The following NEK11 variants were observed in gnomAD, a reference collection of about 807,000 sequenced individuals.
NEK11 encodes NIMA related kinase 11.
In NEK11, 72 loss-of-function variants were observed where a neutral mutation model predicts 80.7. The observed-to-expected ratio is 0.89, with a 90% CI of 0.74 to 1.08. NEK11 has a LOEUF of 1.08. Ranked by LOEUF, NEK11 falls within the 50% of genes least tolerant of loss-of-function variation. The pLI, the probability that NEK11 is intolerant of heterozygous loss-of-function variation, is 0.00. For missense variants in NEK11, 764 were observed against 763.6 expected (o/e 1.00, Z -0.01); for synonymous variants, 251 against 260.7 (o/e 0.96, Z 0.36).
chr3:131,241,170 T>A (rs1015594607), intron 15 of NEK11, among the ~76,000 whole-genome samples: 1 of 152,052 alleles, frequency 6.6e-6, no homozygotes, highest in Non-Finnish European at 1.5e-5. Context: ...TGTTGGGAAG[T>A]GCAGGAGTGT....
chr3:131,210,439 T>G (rs550292484), intron 14 of NEK11, among the ~76,000 whole-genome samples: 2 of 152,318 alleles, frequency 1.3e-5, no homozygotes, highest in South Asian at 4.1e-4. Context: ...CTGAGAAGAA[T>G]GTATATTCTG....
At chr3:131,039,235 A>G (rs1272224659) in intron 3 of NEK11, among the ~76,000 whole-genome samples, 1 of 152,134 alleles carries the variant, frequency 6.6e-6, no homozygotes, top group Non-Finnish European at 1.5e-5. Flanking sequence ...ATAAAAAGTG[A>G]GCTGATTTTT....
chr3:131,110,812 C>A (rs1209425213), intron 5 of NEK11, among the ~76,000 whole-genome samples: 2 of 152,068 alleles, frequency 1.3e-5, no homozygotes, highest in Non-Finnish European at 2.9e-5. Context: ...AAAAAGTAAT[C>A]GGATTATTCT....
chr3:131,297,011 A>G (rs1581563037), intron 17 of NEK11, among the ~76,000 whole-genome samples: 1 of 152,202 alleles, frequency 6.6e-6, no homozygotes, highest in Non-Finnish European at 1.5e-5. Context: ...TTATGGCTGC[A>G]TAGTATTCCA....
At chr3:131,210,414 A>C (rs1352653354) in intron 14 of NEK11, among the ~76,000 whole-genome samples, 1 of 152,190 alleles carries the variant, frequency 6.6e-6, no homozygotes, top group African/African-American at 2.4e-5. Flanking sequence ...ATTTTGGAGT[A>C]AGTGCAACGT....
At chr3:131,265,749 C>T (rs1487288605) in intron 16 of NEK11, among the ~76,000 whole-genome samples, 3 of 152,098 alleles carry the variant, frequency 2.0e-5, no homozygotes, top group African/African-American at 7.2e-5. Context: ...AGGGAGGAAT[C>T]CCTCTTTTTC....
chr3:131,084,097 A>G (rs1299219193), intron 4 of NEK11, among the ~76,000 whole-genome samples: 1 of 152,138 alleles, frequency 6.6e-6, no homozygotes, highest in Non-Finnish European at 1.5e-5. Context: ...CCTTTCCCAT[A>G]AACAAAGCCT....
At position 131,170,948 on chromosome 3, in the gene NEK11, C is replaced by T. The variant is rs573855443; in HGVS notation, c.1399+61C>T. On this transcript the variant is annotated intron_variant, in intron 14 of 17. Coordinates refer to ENST00000383366, the MANE Select transcript of NEK11 (RefSeq NM_024800.5). ...CAGCTGCTGCACAGGTTGCTGTGGC[C>T]GACTTTGCAGTGGGTCTGTCTGGCC... The T allele has an allele frequency of 1.6e-4, 197 of 1,267,730 alleles. 1 individual carries two copies. The highest frequency in any genetic ancestry group is 1.4e-3 in the South Asian group (116 of 84,170). 78.5% of individuals were successfully genotyped at this position (1,267,730 alleles called of 1,614,324 possible). A position where few individuals can be genotyped will look rare whatever the true frequency, so the allele number is the denominator to read the frequency against.
chr3:131,198,821 A>G (rs983203712), intron 14 of NEK11, among the ~76,000 whole-genome samples: 6 of 152,242 alleles, frequency 3.9e-5, no homozygotes, highest in African/African-American at 1.4e-4. Flanking sequence ...TCAGGTGTCC[A>G]TCTTACTAAA....
chr3:131,049,190 T>C lies in NEK11; in HGVS notation c.170+19312T>C, dbSNP rs144116724. Among the ~76,000 whole-genome samples the C allele has an allele frequency of 7.9e-5, 12 of 152,362 alleles. No homozygotes were observed. The East Asian group carries it at 2.3e-3, about 29-fold the overall frequency. ...TCTCTGGTTATACATTCCATGTAGATTAAAGGCATAAATCCATGTAGAATA... is the reference window on the plus strand; with the variant it reads ...TCTCTGGTTATACATTCCATGTAGACTAAAGGCATAAATCCATGTAGAATA... On this transcript the variant is annotated intron_variant, in intron 3 of 17. Transcript: ENST00000383366.
chr3:131,221,435 A>G (rs1281816533), intron 14 of NEK11, among the ~76,000 whole-genome samples: 2 of 152,154 alleles, frequency 1.3e-5, no homozygotes, highest in Non-Finnish European at 2.9e-5. Context: ...TTTTATTTTT[A>G]ATAAGAGCCC....
chr3:131,308,711 G>A (rs1385147485), intron 17 of NEK11, among the ~76,000 whole-genome samples: 1 of 152,230 alleles, frequency 6.6e-6, no homozygotes, highest in East Asian at 1.9e-4. Flanking sequence ...ACGCACCTGA[G>A]GATTCTCAAG....
chr3:131,315,881 T>A (rs1202788811), intron 17 of NEK11, among the ~76,000 whole-genome samples: 2 of 152,196 alleles, frequency 1.3e-5, no homozygotes, highest in Non-Finnish European at 2.9e-5. Flanking sequence ...GCAAAGGACA[T>A]GATTTCATTC....
intron 14 of NEK11, chr3:131,184,687 T>A: frequency 9.6e-7 from 1 of 1,046,476 alleles, no homozygotes; most frequent in East Asian, 3.2e-5. Flanking sequence ...AAAATTTTTC[T>A]CTTTCTTCTT....
chr3:131,169,305 C>T (rs1368654587), intron 13 of NEK11, among the ~76,000 whole-genome samples: 1 of 152,118 alleles, frequency 6.6e-6, no homozygotes, highest in Non-Finnish European at 1.5e-5. Context: ...AAGCAAGCTA[C>T]TTTATATTTC....
Position 131,115,952 on chromosome 3 carries a change from T to TTCTTTCTTTCTTTCTTTCTTTCTTTC in NEK11, c.455+6033_455+6058dup, listed in dbSNP as rs1553878400. On this transcript the variant is annotated intron_variant, in intron 5 of 17. Transcript: ENST00000383366. ...TTTCTTTCTTTCTTTCTTTCTTTCT[T>TTCTTTCTTTCTTTCTTTCTTTCTTTC]TCTTTCTTTCTTTCTTTCTTTCTTT... 5.0e-3 allele frequency among the ~76,000 whole-genome samples: 668 copies of TTCTTTCTTTCTTTCTTTCTTTCTTTC among 133,192 alleles called. 9 individuals carry two copies. The highest frequency in any genetic ancestry group is 5.8e-3 in the African/African-American group (201 of 34,778). The allele number at this position is 133,192 out of a possible 152,430, so 87.4% of individuals were successfully genotyped here. A position where few individuals can be genotyped will look rare whatever the true frequency, so the allele number is the denominator to read the frequency against.
At chr3:131,244,522 T>C (rs16836195) in intron 16 of NEK11, among the ~76,000 whole-genome samples, 29,298 of 152,054 alleles carry the variant, frequency 0.19, 5,305 homozygotes, top group African/African-American at 0.47. Flanking sequence ...GAGGGGTTGG[T>C]GGTACTAAGC....
chr3:131,130,393 G>A lies in NEK11; in HGVS notation c.456-2352G>A, dbSNP rs575387298. Among the ~76,000 whole-genome samples the A allele has an allele frequency of 8.6e-5, 13 of 151,970 alleles. No homozygotes were observed. The East Asian group carries it at 2.5e-3, about 29-fold the overall frequency. On this transcript the variant is annotated intron_variant, in intron 5 of 17. Coordinates refer to ENST00000383366, the MANE Select transcript of NEK11 (RefSeq NM_024800.5). ...CATGTCATCTGTAAACAGAGAGTTT[G>A]TTTTTTCCTTTCCCATCTCTATTCC...
chr3:131,342,978 T>C (rs979930599), intron 17 of NEK11, among the ~76,000 whole-genome samples: 1 of 152,150 alleles, frequency 6.6e-6, no homozygotes, highest in African/African-American at 2.4e-5. Flanking sequence ...ATGAAAGTCA[T>C]TGATACCATA....
Sources: gnomAD v4.1 joint callset for allele counts (sites outside exome capture counted in the v4.1 genomes callset) on GRCh38, gnomAD v4.1.1 for gene constraint, MANE v1.5 for transcripts, NCBI Gene and HGNC (gene_info 2026-07-23, HGNC 2026-07-21) for gene names.